FIGN: variants seen among roughly 807,000 people sequenced by gnomAD.
FIGN encodes fidgetin.
In FIGN, 11 loss-of-function variants were observed where a neutral mutation model predicts 51.3. The observed-to-expected ratio is 0.21, with a 90% CI of 0.13 to 0.35. The LOEUF (loss-of-function observed/expected upper bound fraction) is 0.35, where lower values mean the gene tolerates loss of function less well. FIGN is among the 10% of genes least tolerant of loss of function. The pLI is 1.00. For synonymous variants in FIGN, 407 were observed against 363.2 expected (o/e 1.12, Z -1.37); for missense variants, 857 against 943.6 (o/e 0.91, Z 1.20).
At chr2:163,626,342 T>A (rs1292558414) in intron 2 of FIGN, among the ~76,000 whole-genome samples, 1 of 152,138 alleles carries the variant, frequency 6.6e-6, no homozygotes, top group Non-Finnish European at 1.5e-5. Context: ...ATTAAGTTAC[T>A]CACAGCTAGA....
chr2:163,703,453 T>C (rs1003339579), intron 2 of FIGN, among the ~76,000 whole-genome samples: 1 of 152,190 alleles, frequency 6.6e-6, no homozygotes, highest in Non-Finnish European at 1.5e-5. Context: ...CTTTCAATGA[T>C]ACATTTTTCA....
At chr2:163,678,847 A>T (rs986798328) in intron 2 of FIGN, among the ~76,000 whole-genome samples, 1 of 152,140 alleles carries the variant, frequency 6.6e-6, no homozygotes, top group South Asian at 2.1e-4. Flanking sequence ...ACCCAACAAT[A>T]ATACAACCTC....
At chr2:163,668,858 G>A (rs1192181354) in intron 2 of FIGN, among the ~76,000 whole-genome samples, 1 of 151,760 alleles carries the variant, frequency 6.6e-6, no homozygotes, top group Admixed American at 6.6e-5. Context: ...GGAGAATGGC[G>A]TGAACCCGGG....
intron 2 of FIGN, among the ~76,000 whole-genome samples, chr2:163,628,375 G>A (rs1683090175): frequency 6.6e-6 from 1 of 152,186 alleles, no homozygotes; most frequent in African/African-American, 2.4e-5. Context: ...ATGAAGCCAA[G>A]TATGCATGAC....
chr2:163,627,988 CA>C (rs1232853111), intron 2 of FIGN, among the ~76,000 whole-genome samples: 4 of 152,144 alleles, frequency 2.6e-5, no homozygotes, highest in African/African-American at 7.2e-5. Context: ...AATTAGAATA[CA>C]AAAACACTGC....
At chr2:163,683,353 A>T (rs1048002941) in intron 2 of FIGN, among the ~76,000 whole-genome samples, 1 of 152,208 alleles carries the variant, frequency 6.6e-6, no homozygotes, top group Non-Finnish European at 1.5e-5. Context: ...GTGAAATGAC[A>T]AAATTGTTGT....
rs1370128375 is a variant in FIGN at position 163,607,211 on chromosome 2, A to T, written c.*2341T>A. The T allele has an allele frequency of 2.6e-5, 4 of 152,222 alleles. 1 individual carries two copies. Among genetic ancestry groups the T allele is most frequent in the Non-Finnish European group, 5.9e-5 (4 of 68,036 alleles). The allele number at this position is 152,222 out of a possible 1,614,324, so 9.4% of individuals were successfully genotyped here. A position where few individuals can be genotyped will look rare whatever the true frequency, so the allele number is the denominator to read the frequency against. On this transcript the variant is annotated 3_prime_UTR_variant, in exon 3 of 3. Transcript: ENST00000333129. ...TAAACTTGTCAGTGAGATCAATATG[A>T]ACCTACAAGTTAATGTGGATATTAG...
intron 2 of FIGN, among the ~76,000 whole-genome samples, chr2:163,636,504 C>T (rs1288642672): frequency 1.3e-5 from 2 of 152,036 alleles, no homozygotes; most frequent in Admixed American, 6.6e-5. Context: ...AGGCTGGTCT[C>T]GAACTCCCAA....
At chr2:163,640,847 C>T (rs1341278327) in intron 2 of FIGN, among the ~76,000 whole-genome samples, 4 of 152,154 alleles carry the variant, frequency 2.6e-5, no homozygotes, top group Admixed American at 1.3e-4. Context: ...ACACTGGTAC[C>T]TATGAATCCT....
chr2:163,711,376 G>T (rs1220273024), intron 2 of FIGN, among the ~76,000 whole-genome samples: 1 of 152,130 alleles, frequency 6.6e-6, no homozygotes, highest in Non-Finnish European at 1.5e-5. Flanking sequence ...ATACTGCAGT[G>T]ATTAATACCT....
chr2:163,636,378 T>C (rs1242413670), intron 2 of FIGN, among the ~76,000 whole-genome samples: 1 of 152,130 alleles, frequency 6.6e-6, no homozygotes, highest in Non-Finnish European at 1.5e-5. Context: ...CTCTGCCTCC[T>C]GGGTTCAAGT....
intron 2 of FIGN, among the ~76,000 whole-genome samples, chr2:163,624,986 C>T (rs967193286): frequency 1.3e-5 from 2 of 151,876 alleles, no homozygotes; most frequent in Non-Finnish European, 2.9e-5. Context: ...TTGCAATAAT[C>T]TCTTTTTTTC....
At chr2:163,687,224 A>AT (rs888832283) in intron 2 of FIGN, among the ~76,000 whole-genome samples, 4 of 152,120 alleles carry the variant, frequency 2.6e-5, no homozygotes, top group Admixed American at 2.6e-4. Context: ...ACCACCCTAG[A>AT]TTTTTCTAGA....
At chr2:163,629,900 T>A (rs1412142695) in intron 2 of FIGN, among the ~76,000 whole-genome samples, 1 of 144,720 alleles carries the variant, frequency 6.9e-6, no homozygotes, top group Non-Finnish European at 1.5e-5. Flanking sequence ...AACAAAGAGA[T>A]GGCATCAAGA....
intron 2 of FIGN, among the ~76,000 whole-genome samples, chr2:163,670,508 A>G (rs547474694): frequency 6.6e-6 from 1 of 152,212 alleles, no homozygotes; most frequent in African/African-American, 2.4e-5. Context: ...TCACATTCAA[A>G]TTCTAATTAT....
intron 2 of FIGN, among the ~76,000 whole-genome samples, chr2:163,684,008 T>A (rs1039332182): frequency 6.6e-6 from 1 of 152,158 alleles, no homozygotes; most frequent in Non-Finnish European, 1.5e-5. Flanking sequence ...AAGAAAACAA[T>A]CTCTGTGTTT....
At chr2:163,728,048 G>A (rs183533320) in intron 2 of FIGN, among the ~76,000 whole-genome samples, 52 of 152,200 alleles carry the variant, frequency 3.4e-4, no homozygotes, top group African/African-American at 4.6e-4. Context: ...TAGTGTTACC[G>A]CATGAAATGG....
At chr2:163,696,629 T>A (rs942159000) in intron 2 of FIGN, among the ~76,000 whole-genome samples, 22 of 152,090 alleles carry the variant, frequency 1.4e-4, no homozygotes, top group African/African-American at 5.1e-4. Flanking sequence ...AGTGTTATGA[T>A]CCTCATTTTG....
At position 163,619,805 on chromosome 2, in the gene FIGN, T is replaced by A. The variant is rs145184689; in HGVS notation, c.26-7999A>T. 1.5e-3 allele frequency among the ~76,000 whole-genome samples: 234 copies of A among 152,240 alleles called. 1 individual carries two copies. The highest frequency in any genetic ancestry group is 5.1e-3 in the African/African-American group (211 of 41,548). On this transcript the variant is annotated intron_variant, in intron 2 of 2. Coordinates refer to ENST00000333129, the MANE Select transcript of FIGN (RefSeq NM_018086.4). ...ATGATCATAATTCAAACAAGTAATTTTTCCCTTAAAATTTCCTATACTTAA... is the reference window on the plus strand; with the variant it reads ...ATGATCATAATTCAAACAAGTAATTATTCCCTTAAAATTTCCTATACTTAA...
Sources: gnomAD v4.1 joint callset for allele counts (sites outside exome capture counted in the v4.1 genomes callset) on GRCh38, gnomAD v4.1.1 for gene constraint, MANE v1.5 for transcripts, NCBI Gene and HGNC (gene_info 2026-07-23, HGNC 2026-07-21) for gene names.